The following AKAP6 variants were observed in gnomAD, a reference collection of about 807,000 sequenced individuals.
AKAP6 encodes A-kinase anchoring protein 6.
A neutral mutation model predicts 188.5 loss-of-function variants in AKAP6; 58 were observed. The observed-to-expected ratio is 0.31, with a 90% confidence interval of 0.25 to 0.38. The LOEUF (loss-of-function observed/expected upper bound fraction) is 0.38, where lower values mean the gene tolerates loss of function less well. Ranked by LOEUF, AKAP6 falls within the 10% of genes least tolerant of loss-of-function variation. The pLI, the probability that AKAP6 is intolerant of heterozygous loss-of-function variation, is 1.00. For synonymous variants in AKAP6, 989 were observed against 998.6 expected (o/e 0.99, Z 0.18); for missense variants, 2,710 against 2,740.0 (o/e 0.99, Z 0.24).
chr14:32,448,224 C>G (rs550902476), intron 2 of AKAP6, among the ~76,000 whole-genome samples: 7 of 152,264 alleles, frequency 4.6e-5, no homozygotes, highest in Middle Eastern at 3.4e-3. Context: ...TCACTGTAAG[C>G]GGAGGGAACT....
Position 32,361,715 on chromosome 14 carries a change from CA to C in AKAP6, c.-35+32308del, listed in dbSNP as rs201228607. Among the ~76,000 whole-genome samples, 785 of 152,286 alleles carry C rather than the reference CA, an allele frequency of 5.2e-3. 5 individuals carry two copies. Among genetic ancestry groups the C allele is most frequent in the East Asian group, 0.025 (132 of 5,184 alleles). The stretch of plus-strand genomic sequence containing the variant: ...TGCACTTTATAAGGCTCAATCCCAA[CA>C]GAGACCAGAGCTCACTTGGGCTACA... On this transcript the variant is annotated intron_variant, in intron 1 of 13. Transcript: ENST00000280979.
Position 32,480,252 on chromosome 14 carries a change from GA to G in AKAP6, c.324+46443del, listed in dbSNP as rs781286510. Among the ~76,000 whole-genome samples, 8 of 151,852 alleles carry G rather than the reference GA, an allele frequency of 5.3e-5. No individual in the cohort carries two copies. The East Asian group carries it at 5.8e-4, about 11-fold the overall frequency. On this transcript the variant is annotated intron_variant, in intron 2 of 13. Transcript: ENST00000280979. ...GTTGAACAGTTCTTTAGAGTTGGGT[GA>G]AAAAAAATCATAGCCCCAACTAAAA...
At chr14:32,745,071 A>G (rs923868251) in intron 11 of AKAP6, among the ~76,000 whole-genome samples, 9 of 152,144 alleles carry the variant, frequency 5.9e-5, no homozygotes, top group Non-Finnish European at 1.2e-4. Flanking sequence ...CTGAAAGGTC[A>G]CATATCTCTG....
intron 9 of AKAP6, among the ~76,000 whole-genome samples, chr14:32,713,603 C>A (rs2030013021): frequency 6.6e-6 from 1 of 152,072 alleles, no homozygotes; most frequent in Non-Finnish European, 1.5e-5. Flanking sequence ...CTTCACCTTG[C>A]ACTTTTATGT....
intron 2 of AKAP6, among the ~76,000 whole-genome samples, chr14:32,437,111 G>T (rs73259259): frequency 1.4e-3 from 208 of 152,248 alleles, no homozygotes; most frequent in African/African-American, 4.8e-3. Context: ...GAAGCATTGG[G>T]TTTGTTCTTG....
intron 4 of AKAP6, among the ~76,000 whole-genome samples, chr14:32,570,979 G>A (rs998705637): frequency 6.6e-6 from 1 of 152,162 alleles, no homozygotes; most frequent in Non-Finnish European, 1.5e-5. Flanking sequence ...CCTTCTAGCT[G>A]TAGGGTATTG....
intron 9 of AKAP6, among the ~76,000 whole-genome samples, chr14:32,721,435 C>T (rs1221312026): frequency 8.5e-5 from 13 of 152,134 alleles, no homozygotes; most frequent in African/African-American, 1.4e-4. Flanking sequence ...ACAGGAAGGA[C>T]GTTGTTGAAA....
At chr14:32,541,882 A>G (rs576760730) in intron 3 of AKAP6, among the ~76,000 whole-genome samples, 188 of 152,342 alleles carry the variant, frequency 1.2e-3, no homozygotes, top group Non-Finnish European at 2.2e-3. Context: ...CAAAAGTTAT[A>G]CAATTCCATT....
At chr14:32,695,438 T>A (rs1890363612) in intron 8 of AKAP6, among the ~76,000 whole-genome samples, 1 of 152,234 alleles carries the variant, frequency 6.6e-6, no homozygotes, top group Admixed American at 6.5e-5. Flanking sequence ...AACAGTATTT[T>A]GGATCTGATA....
chr14:32,365,499 T>G (rs1887804425), intron 1 of AKAP6, among the ~76,000 whole-genome samples: 1 of 152,166 alleles, frequency 6.6e-6, no homozygotes, highest in Non-Finnish European at 1.5e-5. Context: ...TTTAATCCTC[T>G]TGATTACTGA....
chr14:32,536,299 C>T (rs545050023), intron 3 of AKAP6, among the ~76,000 whole-genome samples: 35 of 152,208 alleles, frequency 2.3e-4, no homozygotes, highest in African/African-American at 7.9e-4. Context: ...AATGACTCTA[C>T]CTGAGACGTA....
chr14:32,422,680 G>T (rs1305137831), intron 1 of AKAP6, among the ~76,000 whole-genome samples: 1 of 152,220 alleles, frequency 6.6e-6, no homozygotes, highest in African/African-American at 2.4e-5. Flanking sequence ...TGTCTGGCCA[G>T]CCCTCATTCT....
intron 2 of AKAP6, among the ~76,000 whole-genome samples, chr14:32,519,744 A>G (rs1881720470): frequency 6.6e-6 from 1 of 152,154 alleles, no homozygotes; most frequent in African/African-American, 2.4e-5. Flanking sequence ...CATAATAATA[A>G]TGGGAGACTT....
chr14:32,365,475 G>C (rs538267371), intron 1 of AKAP6, among the ~76,000 whole-genome samples: 11 of 152,254 alleles, frequency 7.2e-5, no homozygotes, highest in African/African-American at 2.6e-4. Context: ...TATAATGTGT[G>C]CTTTGGGTGG....
chr14:32,729,168 C>T (rs1267942750), intron 9 of AKAP6, among the ~76,000 whole-genome samples: 2 of 151,888 alleles, frequency 1.3e-5, no homozygotes, highest in African/African-American at 4.8e-5. Flanking sequence ...CCTTCTATAC[C>T]AGTTTCAAAA....
rs1890287947 is a variant in AKAP6, at chr14:32,433,584, A to G, written c.91A>G (p.Thr31Ala). ...TDASPMAINM[T>A]PTVEQGEGEE... ...TGCTTCACCCATGGCCATCAACATGACACCCACTGTGGAGCAGGGTGAGGG... is the reference window on the plus strand; with the variant it reads ...TGCTTCACCCATGGCCATCAACATGGCACCCACTGTGGAGCAGGGTGAGGG... Residue 31 changes from threonine (T) to alanine (A), a missense_variant, in exon 2 of 14, where the codon ACA (threonine) becomes GCA (alanine). By Grantham distance (58) the Thr-to-Ala change is moderately conservative (BLOSUM62 0). This residue lies in a region of AKAP6 where 237 missense variants were observed against 313.9 expected (regional missense o/e 0.76). Coordinates refer to ENST00000280979, the MANE Select transcript of AKAP6 (RefSeq NM_004274.5). 2 of 1,614,024 alleles carry G rather than the reference A, an allele frequency of 1.2e-6. No individual in the cohort carries two copies.
Position 32,824,391 on chromosome 14 carries a change from C to A in AKAP6, c.6578C>A (p.Ala2193Glu). 1 of 1,613,948 alleles carries A rather than the reference C, an allele frequency of 6.2e-7. No homozygotes were observed. Among genetic ancestry groups the A allele is most frequent in the Admixed American group, 1.7e-5 (1 of 59,918 alleles). Reference sequence around the variant, plus strand: ...GCTGCAATGCCACTACAAGCAACAGCATGTTCTTCTGAGTTCAGTGATAGT... The same window carrying A: ...GCTGCAATGCCACTACAAGCAACAGAATGTTCTTCTGAGTTCAGTGATAGT... ...SEAAMPLQAT[A>E]CSSEFSDSSL... Residue 2193 changes from alanine (A) to glutamate (E), a missense_variant, in exon 13 of 14, where the codon GCA (alanine) becomes GAA (glutamate). Around this residue, in one of 2 missense-constraint regions of AKAP6, gnomAD observed 2,473 missense variants for 2,426.1 expected, o/e 1.02. Coordinates refer to ENST00000280979, the MANE Select transcript of AKAP6 (RefSeq NM_004274.5).
chr14:32,745,461 TTCTCTCTCTCTCTCTCTCTCTC>T (rs71115094), intron 11 of AKAP6, among the ~76,000 whole-genome samples: 2,323 of 141,442 alleles, frequency 0.016, 60 homozygotes, highest in African/African-American at 0.058. Flanking sequence ...TATTTATTCA[TTCTCTCTCTCTCTCTCTCTCTC>T]TCTCTCTCTC....
intron 1 of AKAP6, among the ~76,000 whole-genome samples, chr14:32,368,919 A>C (rs537071383): frequency 6.6e-5 from 10 of 152,176 alleles, no homozygotes; most frequent in African/African-American, 2.4e-4. Context: ...TGTGGACTTT[A>C]AGGACAGGGA....
Sources: gnomAD v4.1 joint callset for allele counts (sites outside exome capture counted in the v4.1 genomes callset) on GRCh38, gnomAD v4.1.1 for gene constraint, gnomAD v4.1.1 regional missense constraint, MANE v1.5 for transcripts, NCBI Gene and HGNC (gene_info 2026-07-23, HGNC 2026-07-21) for gene names.